Variants in RTN4IP1 observed in about 807,000 individuals in gnomAD.
RTN4IP1 encodes the protein reticulon 4 interacting protein 1, also known as NAD(P)H oxidoreductase RTN4IP1, mitochondrial.
In RTN4IP1, 32 loss-of-function variants were observed where a neutral mutation model predicts 46.6. The observed-to-expected ratio is 0.69, with a 90% CI of 0.52 to 0.92. The LOEUF (loss-of-function observed/expected upper bound fraction) is 0.92, where lower values mean the gene tolerates loss of function less well. RTN4IP1 is among the 40% of genes least tolerant of loss of function. RTN4IP1 has a pLI of 0.00. For synonymous variants in RTN4IP1, 167 were observed against 161.8 expected (o/e 1.03, Z -0.24); for missense variants, 424 against 485.8 (o/e 0.87, Z 1.20).
chr6:106,619,643 G>T (rs1449110411), intron 3 of RTN4IP1, among the ~76,000 whole-genome samples: 3 of 111,882 alleles, frequency 2.7e-5, no homozygotes, highest in African/African-American at 7.1e-5. Flanking sequence ...ACGGAGACTT[G>T]CTCTGTCGCC....
intron 3 of RTN4IP1, 30 bp from the exon 4 acceptor site, chr6:106,619,356 G>A: frequency 6.2e-7 from 1 of 1,613,084 alleles, no homozygotes; most frequent in Non-Finnish European, 8.5e-7. Flanking sequence ...TCAAAAATAA[G>A]CAATGACTTG....
Position 106,594,520 on chromosome 6 carries a change from AAACAAAAAAAG to A in RTN4IP1, c.670-2231_670-2221del, listed in dbSNP as rs1293342855. Among the ~76,000 whole-genome samples, 5 of 151,380 alleles carry A rather than the reference AAACAAAAAAAG, an allele frequency of 3.3e-5. No individual in the cohort carries two copies. The East Asian group carries it at 1.0e-3, about 31-fold the overall frequency. On this transcript the variant is annotated intron_variant, in intron 5 of 8. Transcript: ENST00000369063. Reference sequence around the variant, plus strand: ...GTGAGATTCTGTCTCAAAAAACAAAAAACAAAAAAAGAAAGAAAGAAAGAAAACAGCTATAG... The same window carrying A: ...GTGAGATTCTGTCTCAAAAAACAAAAAAAGAAAGAAAGAAAACAGCTATAG...
intron 6 of RTN4IP1, 39 bp from the exon 7 acceptor site, chr6:106,587,901 C>G (rs752118776): frequency 1.9e-6 from 3 of 1,546,522 alleles, no homozygotes; most frequent in Non-Finnish European, 2.6e-6. Flanking sequence ...GGTTGTCAGG[C>G]TTTACACTGG....
intron 5 of RTN4IP1, among the ~76,000 whole-genome samples, chr6:106,597,319 T>C (rs1453413125): frequency 6.6e-6 from 1 of 152,178 alleles, no homozygotes; most frequent in Non-Finnish European, 1.5e-5. Flanking sequence ...CTGTCATCAA[T>C]ATTTGATACT....
At chr6:106,599,460 T>C (rs544125898) in intron 5 of RTN4IP1, among the ~76,000 whole-genome samples, 1,962 of 151,620 alleles carry the variant, frequency 0.013, 58 homozygotes, top group African/African-American at 0.045. Context: ...GCTTTTTTTT[T>C]TTTTTAAGAA....
intron 3 of RTN4IP1, among the ~76,000 whole-genome samples, chr6:106,621,071 G>A (rs2114679639): frequency 6.6e-6 from 1 of 152,116 alleles, no homozygotes; most frequent in Non-Finnish European, 1.5e-5. Flanking sequence ...TGTTTTTAAA[G>A]TTATTCAAAA....
intron 7 of RTN4IP1, among the ~76,000 whole-genome samples, chr6:106,587,384 T>C (rs1204706677): frequency 1.3e-5 from 2 of 152,250 alleles, no homozygotes; most frequent in Non-Finnish European, 2.9e-5. Flanking sequence ...TTATGCCATG[T>C]CTCCATATGG....
At chr6:106,596,104 TTTG>T (rs1487949120) in intron 5 of RTN4IP1, among the ~76,000 whole-genome samples, 2 of 152,234 alleles carry the variant, frequency 1.3e-5, no homozygotes, top group African/African-American at 4.8e-5. Flanking sequence ...TCTTGAGTCT[TTTG>T]ACATGACCTG....
intron 5 of RTN4IP1, among the ~76,000 whole-genome samples, chr6:106,595,443 G>A (rs972521092): frequency 2.6e-5 from 4 of 151,726 alleles, no homozygotes; most frequent in African/African-American, 4.8e-5. Context: ...TGGTGGTTGC[G>A]AAATAGTGAT....
rs74340882 is a variant in RTN4IP1 at position 106,625,614 on chromosome 6, G to A, written c.275-2645C>T. Reference sequence around the variant, plus strand: ...GAAATGGAGCAGTAGCTCGAAGTGGGAACTGGGATGGACAGAGGACTTTTG... The same window carrying A: ...GAAATGGAGCAGTAGCTCGAAGTGGAAACTGGGATGGACAGAGGACTTTTG... On this transcript the variant is annotated intron_variant, in intron 1 of 8. Coordinates refer to ENST00000369063, the MANE Select transcript of RTN4IP1 (RefSeq NM_032730.5). 5.6e-3 allele frequency among the ~76,000 whole-genome samples: 853 copies of A among 151,732 alleles called. 5 individuals are homozygous for A. The highest frequency in any genetic ancestry group is 0.019 in the African/African-American group (805 of 41,400).
rs767124678 is a variant in RTN4IP1 at position 106,621,443 on chromosome 6, A to G, written c.477T>C (p.Val159=). ...PWKQGTLSEF[V]VVSGNEVSHK... The stretch of plus-strand genomic sequence containing the variant: ...AAGTTACCTCATTCCCACTGACTAC[A>G]ACAAACTCTGAAAGAGTGCCTTGTT... The change falls in exon 3 of 9, where the codon GTT becomes GTC. Residue 159 remains valine, a synonymous_variant. Coordinates refer to ENST00000369063, the MANE Select transcript of RTN4IP1 (RefSeq NM_032730.5). 6 of 1,613,790 alleles carry G rather than the reference A, an allele frequency of 3.7e-6. No homozygotes were observed. In the African/African-American group the frequency reaches 5.3e-5, roughly 14 times the overall value.
chr6:106,615,277 A>G (rs1582384679), intron 4 of RTN4IP1, among the ~76,000 whole-genome samples: 2 of 152,268 alleles, frequency 1.3e-5, no homozygotes, highest in East Asian at 1.9e-4. Flanking sequence ...TAATTTTAAT[A>G]TAAGCATATC....
At position 106,628,897 on chromosome 6, in the gene RTN4IP1, A is replaced by G. The variant is rs1486529859; in HGVS notation, c.125T>C (p.Val42Ala). 1.9e-6 allele frequency: 3 copies of G among 1,613,978 alleles called. No individual in the cohort carries two copies. The South Asian group carries it at 3.3e-5, about 18-fold the overall frequency. ...TTTATCTATCACCCAAGCAGGCATG[A>G]CAGTGCTCCTAGGAGAGGTAGTACT... is the stretch of plus-strand genomic sequence containing the variant. Reference protein sequence around the residue: ...RISTTSPRSTVMPAWVIDKYG... With the variant: ...RISTTSPRSTAMPAWVIDKYG... Residue 42 changes from valine (V) to alanine (A), a missense_variant, in exon 1 of 9, where the codon GTC (valine) becomes GCC (alanine). Coordinates refer to ENST00000369063, the MANE Select transcript of RTN4IP1 (RefSeq NM_032730.5).
At chr6:106,609,870 T>A (rs1489886905) in intron 4 of RTN4IP1, among the ~76,000 whole-genome samples, 1 of 152,172 alleles carries the variant, frequency 6.6e-6, no homozygotes, top group Non-Finnish European at 1.5e-5. Flanking sequence ...CAATAGCAGC[T>A]TCAATTCTTT....
intron 5 of RTN4IP1, among the ~76,000 whole-genome samples, chr6:106,600,385 C>T (rs1205632010): frequency 6.6e-6 from 1 of 152,144 alleles, no homozygotes; most frequent in East Asian, 1.9e-4. Context: ...GCTTGGGGAA[C>T]TTTTGGTTTG....
rs561915210 is a variant in RTN4IP1 at position 106,588,653 on chromosome 6, G to A, written c.807-791C>T. On this transcript the variant is annotated intron_variant, in intron 6 of 8. Coordinates refer to ENST00000369063, the MANE Select transcript of RTN4IP1 (RefSeq NM_032730.5). The stretch of plus-strand genomic sequence containing the variant: ...GCTTTGAAATAATTTTGAAAACAAA[G>A]ATCTATATAGAGAATACATGCAAAT... Among the ~76,000 whole-genome samples, 230 of 152,280 alleles carry A rather than the reference G, an allele frequency of 1.5e-3. 1 individual carries two copies. The highest frequency in any genetic ancestry group is 5.3e-3 in the African/African-American group (222 of 41,560).
intron 8 of RTN4IP1, among the ~76,000 whole-genome samples, chr6:106,576,533 T>C (rs1042259570): frequency 2.0e-5 from 3 of 152,208 alleles, no homozygotes; most frequent in African/African-American, 4.8e-5. Context: ...ATTCTTTCTA[T>C]GGAGCAAAAT....
intron 5 of RTN4IP1, among the ~76,000 whole-genome samples, chr6:106,594,223 A>G (rs1775728788): frequency 6.6e-6 from 1 of 152,202 alleles, no homozygotes; most frequent in African/African-American, 2.4e-5. Flanking sequence ...GAAAACACCT[A>G]TAGACGGGGT....
chr6:106,619,729 A>G (rs1776439371), intron 3 of RTN4IP1, among the ~76,000 whole-genome samples: 2 of 146,418 alleles, frequency 1.4e-5, no homozygotes, highest in Admixed American at 1.4e-4. Flanking sequence ...CTCCTGCCTC[A>G]GCCTCCTGAG....
Sources: allele counts gnomAD v4.1 joint callset (sites outside exome capture counted in the v4.1 genomes callset), GRCh38; gene constraint gnomAD v4.1.1; transcripts MANE v1.5; gene names NCBI Gene and HGNC (gene_info 2026-07-23, HGNC 2026-07-21).